The following KCNH5 variants were observed in gnomAD, a reference collection of about 807,000 sequenced individuals.
The protein encoded by KCNH5 is voltage-gated delayed rectifier potassium channel KCNH5.
KCNH5 carries 46 observed loss-of-function variants against 96.1 expected under a neutral mutation model. That is an observed-to-expected ratio of 0.48 (90% CI 0.38 to 0.61). The LOEUF (loss-of-function observed/expected upper bound fraction) is 0.61. Among genes scored for constraint, KCNH5 ranks in the 20% least tolerant of loss-of-function variants. The pLI is 0.00. For synonymous variants in KCNH5, 439 were observed against 449.8 expected (o/e 0.98, Z 0.30); for missense variants, 907 against 1,225.8 (o/e 0.74, Z 3.88).
intron 1 of KCNH5, among the ~76,000 whole-genome samples, chr14:63,033,953 C>T (rs978240158): frequency 6.6e-6 from 1 of 152,102 alleles, no homozygotes; most frequent in African/African-American, 2.4e-5. Flanking sequence ...CAGAATCTTG[C>T]TCTGTCACCA....
intron 10 of KCNH5, among the ~76,000 whole-genome samples, chr14:62,753,705 A>C (rs1885554511): frequency 6.6e-6 from 1 of 152,170 alleles, no homozygotes; most frequent in South Asian, 2.1e-4. Flanking sequence ...CAAAGTACTA[A>C]AGAAAAAAAC....
intron 10 of KCNH5, among the ~76,000 whole-genome samples, chr14:62,750,668 CCTTAGCAGCTCAGAGTCCCTGTT>C: frequency 6.6e-6 from 1 of 152,240 alleles, no homozygotes; most frequent in East Asian, 1.9e-4. Flanking sequence ...ACAGGAGAAC[CCTTAGCAGCTCAGAGTCCCTGTT>C]CCTTCTAGAT....
chr14:62,736,399 T>TA (rs71120230), intron 10 of KCNH5, among the ~76,000 whole-genome samples: 59,077 of 146,632 alleles, frequency 0.4, 11,664 homozygotes, highest in South Asian at 0.55. Flanking sequence ...TTCACCTTAA[T>TA]AAAAAAAAAA....
chr14:62,869,050 C>G (rs778949885), intron 7 of KCNH5, among the ~76,000 whole-genome samples: 7 of 152,064 alleles, frequency 4.6e-5, no homozygotes, highest in Non-Finnish European at 7.4e-5. Flanking sequence ...TGGTATGTAC[C>G]CAGTAATGGG....
rs943925753 is a variant in KCNH5 at position 62,824,082 on chromosome 14, GA to G, written c.1570-21502del. On this transcript the variant is annotated intron_variant, in intron 8 of 10. Coordinates refer to ENST00000322893, the MANE Select transcript of KCNH5 (RefSeq NM_139318.5). ...TCCAGGATTTAACCAATCCCAGAGA[GA>G]AAAAAAAATTCACCAAGATGAGCCC... Among the ~76,000 whole-genome samples the G allele has an allele frequency of 4.0e-5, 6 of 150,982 alleles. No homozygotes were observed. The East Asian group carries it at 5.8e-4, about 15-fold the overall frequency.
Position 63,003,624 on chromosome 14 carries a change from A to ATTTT in KCNH5, c.305-2169_305-2166dup, listed in dbSNP as rs775227561. Among the ~76,000 whole-genome samples the ATTTT allele has an allele frequency of 3.9e-4, 36 of 92,780 alleles. 1 individual carries two copies. In the East Asian group the frequency reaches 7.1e-3, roughly 18 times the overall value. 60.9% of individuals were successfully genotyped at this position (92,780 alleles called of 152,430 possible). On this transcript the variant is annotated intron_variant, in intron 3 of 10. Transcript: ENST00000322893. ...TATTTATATTTATATATATATATAT[A>ATTTT]TTTTTTTTTTTTTGAGACGGAGTCT...
intron 7 of KCNH5, among the ~76,000 whole-genome samples, chr14:62,853,931 C>T (rs370132597): frequency 1.3e-4 from 20 of 148,188 alleles, no homozygotes; most frequent in African/African-American, 3.8e-4. Flanking sequence ...CGCTTGAACC[C>T]GGGAGGCGGA....
intron 8 of KCNH5, among the ~76,000 whole-genome samples, chr14:62,804,208 C>T (rs1886720537): frequency 6.6e-6 from 1 of 152,068 alleles, no homozygotes. Context: ...TTTTTTCATA[C>T]TCCCTCAAAT....
intron 4 of KCNH5, among the ~76,000 whole-genome samples, chr14:63,000,331 T>C (rs1211124985): frequency 6.6e-6 from 1 of 152,246 alleles, no homozygotes; most frequent in Non-Finnish European, 1.5e-5. Flanking sequence ...TAAAAACTAC[T>C]TCTAAGGTTA....
At chr14:63,031,290 G>A (rs530879001) in intron 1 of KCNH5, among the ~76,000 whole-genome samples, 1 of 152,138 alleles carries the variant, frequency 6.6e-6, no homozygotes, top group African/African-American at 2.4e-5. Flanking sequence ...TCAGACAACA[G>A]GAAAATAACT....
At chr14:63,029,970 G>A (rs954918033) in intron 1 of KCNH5, among the ~76,000 whole-genome samples, 16 of 152,106 alleles carry the variant, frequency 1.1e-4, no homozygotes, top group African/African-American at 3.6e-4. Context: ...GATTACAGAG[G>A]AATAACTTCC....
chr14:62,858,961 T>C (rs957067348), intron 7 of KCNH5, among the ~76,000 whole-genome samples: 1 of 152,194 alleles, frequency 6.6e-6, no homozygotes, highest in African/African-American at 2.4e-5. Flanking sequence ...TCCATGAACA[T>C]GAGCCCACTG....
intron 10 of KCNH5, among the ~76,000 whole-genome samples, chr14:62,714,136 A>AG (rs1274118944): frequency 6.6e-6 from 1 of 151,240 alleles, no homozygotes; most frequent in African/African-American, 2.4e-5. Flanking sequence ...ATTTAAAAAA[A>AG]AAAATAGATA....
At chr14:63,044,165 A>G (rs938215849) in intron 1 of KCNH5, among the ~76,000 whole-genome samples, 1 of 152,236 alleles carries the variant, frequency 6.6e-6, no homozygotes, top group African/African-American at 2.4e-5. Context: ...GAAAAACTTA[A>G]AAAGATATTC....
intron 10 of KCNH5, among the ~76,000 whole-genome samples, chr14:62,723,557 G>A (rs1357076255): frequency 6.6e-6 from 1 of 152,186 alleles, no homozygotes; most frequent in Non-Finnish European, 1.5e-5. Flanking sequence ...TTCATTCACA[G>A]TTTGACCTAG....
chr14:62,930,167 T>C (rs1380159645), intron 7 of KCNH5, among the ~76,000 whole-genome samples: 1 of 152,104 alleles, frequency 6.6e-6, no homozygotes, highest in Non-Finnish European at 1.5e-5. Context: ...GATTTCTGGG[T>C]TGAATATTAA....
intron 9 of KCNH5, among the ~76,000 whole-genome samples, chr14:62,802,031 T>C (rs539254836): frequency 6.6e-6 from 1 of 152,268 alleles, no homozygotes; most frequent in South Asian, 2.1e-4. Flanking sequence ...ACAAGCCATT[T>C]TCACACTTAC....
At chr14:62,954,969 C>A (rs1431183913) in intron 6 of KCNH5, among the ~76,000 whole-genome samples, 1 of 152,020 alleles carries the variant, frequency 6.6e-6, no homozygotes. Context: ...TCTCACAACA[C>A]CTCGGAATTA....
At chr14:62,783,246 T>C (rs1332175448) in intron 9 of KCNH5, among the ~76,000 whole-genome samples, 1 of 152,090 alleles carries the variant, frequency 6.6e-6, no homozygotes, top group Non-Finnish European at 1.5e-5. Context: ...TGCATCAAAA[T>C]GGTAGGTCCT....
Sources: gnomAD v4.1 joint callset for allele counts (sites outside exome capture counted in the v4.1 genomes callset) on GRCh38, gnomAD v4.1.1 for gene constraint, MANE v1.5 for transcripts, NCBI Gene and HGNC (gene_info 2026-07-23, HGNC 2026-07-21) for gene names.